CHD8: variants seen among roughly 807,000 people sequenced by gnomAD.
The protein encoded by CHD8 is chromodomain helicase DNA binding protein 8, also known as ATP-dependent chromatin remodeler CHD8.
In CHD8, 31 loss-of-function variants were observed where a neutral mutation model predicts 279.2. That is an observed-to-expected ratio of 0.11 (90% confidence interval 0.08 to 0.15). The LOEUF is 0.15. Ranked by LOEUF, CHD8 falls within the 10% of genes least tolerant of loss-of-function variation. The pLI is 1.00. For missense variants in CHD8, 2,146 were observed against 3,230.5 expected (o/e 0.66, Z 8.14); for synonymous variants, 1,081 against 1,139.6 (o/e 0.95, Z 1.04).
intron 32 of CHD8, 83 bp downstream of exon 32, chr14:21,393,393 C>T: frequency 6.7e-7 from 1 of 1,501,130 alleles, no homozygotes; most frequent in Non-Finnish European, 8.9e-7. Context: ...CCAAATCTCT[C>T]TCAAGAGGAT....
At chr14:21,437,877 C>T (rs1214864352) in intron 1 of CHD8, among the ~76,000 whole-genome samples, 2 of 152,048 alleles carry the variant, frequency 1.3e-5, no homozygotes, top group Non-Finnish European at 2.9e-5. Flanking sequence ...ACCCTTAGCC[C>T]GCTCAAAACA....
intron 8 of CHD8, 79 bp from the exon 9 acceptor site, chr14:21,414,497 C>A: frequency 1.4e-6 from 1 of 726,142 alleles, no homozygotes; most frequent in South Asian, 1.6e-5. Flanking sequence ...TGGGATTAGT[C>A]AGAAGCAGAC....
Position 21,385,609 on chromosome 14 carries a change from G to C in CHD8, c.*4C>G. 1 of 1,549,650 alleles carries C rather than the reference G, an allele frequency of 6.5e-7. No homozygotes were observed. Among genetic ancestry groups the C allele is most frequent in the Non-Finnish European group, 8.7e-7 (1 of 1,145,692 alleles). ...GCCCAAGCAATGGGGCCCATGCTGGGGCTTCAGTCATCAGCATCTTCACTG... is the reference window on the plus strand; with the variant it reads ...GCCCAAGCAATGGGGCCCATGCTGGCGCTTCAGTCATCAGCATCTTCACTG... On this transcript the variant is annotated 3_prime_UTR_variant, in exon 38 of 38. Coordinates refer to ENST00000646647, the MANE Select transcript of CHD8 (RefSeq NM_001170629.2).
intron 10 of CHD8, among the ~76,000 whole-genome samples, chr14:21,410,425 G>C (rs1888440410): frequency 6.6e-6 from 1 of 152,154 alleles, no homozygotes. Context: ...TGGGCCCCTA[G>C]AGCTCATTGC....
chr14:21,415,038 A>T, intron 7 of CHD8, 45 bp from the exon 8 acceptor site: 1 of 1,323,764 alleles, frequency 7.6e-7, no homozygotes, highest in South Asian at 1.3e-5. Flanking sequence ...TTATTTGTAA[A>T]AGAATGAACT....
intron 1 of CHD8, among the ~76,000 whole-genome samples, chr14:21,440,124 TTATAA>T (rs1394811342): frequency 6.6e-6 from 1 of 152,132 alleles, no homozygotes; most frequent in Non-Finnish European, 1.5e-5. Context: ...ATAAAAACAA[TTATAA>T]TACAAGGTGA....
intron 4 of CHD8, chr14:21,426,542 C>T (rs1370045834): frequency 2.3e-5 from 6 of 264,004 alleles, no homozygotes; most frequent in Non-Finnish European, 4.2e-5. Context: ...AATTAGAACA[C>T]TTATTGCAGT....
chr14:21,393,459 C>G lies in CHD8; in HGVS notation c.6319+17G>C, dbSNP rs376854190. 5.2e-6 allele frequency: 8 copies of G among 1,540,994 alleles called. No individual in the cohort carries two copies. In the African/African-American group the frequency reaches 9.6e-5, roughly 18 times the overall value. On this transcript the variant is annotated intron_variant, in intron 32 of 37. Transcript: ENST00000646647. ...GGAAATAGGGAAGGGGGCCAACAGC[C>G]TGTCACATGCACTCACTTAGCTTCT...
rs1028480939 is a variant in CHD8, at chr14:21,428,037, T to C, written c.1433A>G (p.Gln478Arg). The stretch of plus-strand genomic sequence containing the variant: ...CTCATTTAAGACTCGAGGTATGTTC[T>C]GCTCACCGCGGGCACGGGCTCTCGC... ...AIARARARGE[Q>R]NIPRVLNEDE... is the part of the protein sequence containing the mutation. The change falls in exon 4 of 38, where the codon CAG (glutamine) becomes CGG (arginine). Residue 478 changes from glutamine (Q) to arginine (R), a missense_variant. Coordinates refer to ENST00000646647, the MANE Select transcript of CHD8 (RefSeq NM_001170629.2). The C allele has an allele frequency of 1.2e-6, 2 of 1,614,062 alleles. No homozygotes were observed. The highest frequency in any genetic ancestry group is 8.5e-7 in the Non-Finnish European group (1 of 1,179,898).
intron 1 of CHD8, among the ~76,000 whole-genome samples, chr14:21,438,341 G>T (rs1026825868): frequency 6.6e-6 from 1 of 151,848 alleles, no homozygotes; most frequent in East Asian, 2.0e-4. Context: ...GATTACAGGC[G>T]TGAGCCATCA....
Position 21,400,106 on chromosome 14 carries a change from C to G in CHD8, c.4728-36G>C, listed in dbSNP as rs761063863. The G allele has an allele frequency of 6.2e-7, 1 of 1,613,426 alleles. No homozygotes were observed. The highest frequency in any genetic ancestry group is 8.5e-7 in the Non-Finnish European group (1 of 1,179,466). On this transcript the variant is annotated intron_variant, in intron 24 of 37. Transcript: ENST00000646647. The surrounding 1 kb of genome is among the most constrained non-coding windows in gnomAD (Gnocchi z 4.2). Reference sequence around the variant, plus strand: ...CAGAGGAAGAGCTGGCTCAGTAACACTGTAGAAGTTTGAGGTGGAAAATGT... The same window carrying G: ...CAGAGGAAGAGCTGGCTCAGTAACAGTGTAGAAGTTTGAGGTGGAAAATGT...
At chr14:21,437,893 T>C (rs954694807) in intron 1 of CHD8, among the ~76,000 whole-genome samples, 1 of 152,024 alleles carries the variant, frequency 6.6e-6, no homozygotes, top group Non-Finnish European at 1.5e-5. Flanking sequence ...AAACAAACAC[T>C]CCTCACCCTC....
intron 5 of CHD8, chr14:21,425,921 A>C (rs1188496952): frequency 5.6e-6 from 3 of 533,252 alleles, no homozygotes; most frequent in East Asian, 6.4e-5. Context: ...TGGGTGAGAG[A>C]GCAAGACTCT....
In CHD8 at chr14:21,424,105, G is replaced by A. The variant is rs73579677; in HGVS notation, c.1716+2023C>T. On this transcript the variant is annotated intron_variant, in intron 5 of 37. Transcript: ENST00000646647. ...CCGTCTTTACAAAGATTACTCCACCGGACAGTTACTTTAAAATGTATTCAT... is the reference window on the plus strand; with the variant it reads ...CCGTCTTTACAAAGATTACTCCACCAGACAGTTACTTTAAAATGTATTCAT... Among the ~76,000 whole-genome samples, 594 of 152,054 alleles carry A rather than the reference G, an allele frequency of 3.9e-3. 5 individuals are homozygous for A. The highest frequency in any genetic ancestry group is 0.013 in the African/African-American group (537 of 41,462).
intron 2 of CHD8, chr14:21,430,370 A>C (rs1889515941): frequency 6.2e-6 from 1 of 162,384 alleles, no homozygotes; most frequent in African/African-American, 2.4e-5. Context: ...TAGTAATAAG[A>C]ATAAAAGAAA....
Position 21,418,226 on chromosome 14 carries a change from TA to T in CHD8, c.1717-2320del, listed in dbSNP as rs1335431586. 2.6e-5 allele frequency among the ~76,000 whole-genome samples: 4 copies of T among 151,902 alleles called. No homozygotes were observed. The East Asian group carries it at 5.8e-4, about 22-fold the overall frequency. On this transcript the variant is annotated intron_variant, in intron 5 of 37. Transcript: ENST00000646647. ...AAAGTACATACTGTATGATACTACT[TA>T]AAGTTCAAAGCCGGGCACGGTGGAT...
intron 1 of CHD8, among the ~76,000 whole-genome samples, chr14:21,445,066 A>G (rs1290350964): frequency 6.6e-6 from 1 of 152,088 alleles, no homozygotes; most frequent in Non-Finnish European, 1.5e-5. Context: ...CAGACCAGAA[A>G]CCTACCTTAC....
Position 21,400,533 on chromosome 14 carries a change from G to A in CHD8, c.4450C>T (p.Arg1484Trp). ...AGAAGACAGTACACGAGAATGGCCCGACAAATGGTCTCCACATCTCGTTCA... is the reference window on the plus strand; with the variant it reads ...AGAAGACAGTACACGAGAATGGCCCAACAAATGGTCTCCACATCTCGTTCA... ...MTERDVETIC[R>W]AILVYCLLHY... Residue 1484 changes from arginine (R) to tryptophan (W), a missense_variant, in exon 23 of 38, where the codon CGG (arginine) becomes TGG (tryptophan). Around this residue, in one of 26 missense-constraint regions of CHD8, gnomAD observed 73 missense variants for 153.2 expected, o/e 0.48. Transcript: ENST00000646647. The surrounding 1 kb of genome is among the most constrained non-coding windows in gnomAD (Gnocchi z 4.2). 1 of 1,613,160 alleles carries A rather than the reference G, an allele frequency of 6.2e-7. No individual in the cohort carries two copies. Among genetic ancestry groups the A allele is most frequent in the Non-Finnish European group, 8.5e-7 (1 of 1,179,712 alleles).
intron 1 of CHD8, among the ~76,000 whole-genome samples, chr14:21,432,575 C>G (rs74034918): frequency 3.2e-3 from 480 of 152,306 alleles, no homozygotes; most frequent in African/African-American, 0.011. Context: ...ATTTTACATT[C>G]CAGTCCAACT....
Sources: allele counts gnomAD v4.1 joint callset (sites outside exome capture counted in the v4.1 genomes callset), GRCh38; gene constraint gnomAD v4.1.1; regional missense constraint gnomAD v4.1.1; non-coding constraint Gnocchi (gnomAD v3.1); transcripts MANE v1.5; gene names NCBI Gene and HGNC (gene_info 2026-07-23, HGNC 2026-07-21).